UBE2D3: variants seen among roughly 807,000 people sequenced by gnomAD.
The protein encoded by UBE2D3 is ubiquitin conjugating enzyme E2 D3, also known as ubiquitin-conjugating enzyme E2 D3.
Under a neutral mutation model 22.8 loss-of-function variants are expected in UBE2D3, and 2 were observed. The observed-to-expected ratio is 0.09, with a 90% CI of 0.04 to 0.28. UBE2D3 has a LOEUF of 0.28. Ranked by LOEUF, UBE2D3 falls within the 10% of genes least tolerant of loss-of-function variation. UBE2D3 has a pLI of 1.00. For missense variants in UBE2D3, 27 were observed against 182.5 expected (o/e 0.15, Z 4.91); for synonymous variants, 56 against 60.4 (o/e 0.93, Z 0.34).
At chr4:102,804,489 A>G (rs1030094449) in intron 4 of UBE2D3, among the ~76,000 whole-genome samples, 3 of 152,100 alleles carry the variant, frequency 2.0e-5, no homozygotes, top group African/African-American at 7.2e-5. Context: ...ATATGGAACT[A>G]GAAAAACACT....
At chr4:102,836,663 A>G (rs570302989) in intron 1 of UBE2D3, among the ~76,000 whole-genome samples, 2 of 152,282 alleles carry the variant, frequency 1.3e-5, no homozygotes, top group South Asian at 4.1e-4. Flanking sequence ...GAGTGTTCCA[A>G]TTTCTCCTGA....
At chr4:102,863,754 A>C (rs549972852) in intron 1 of UBE2D3, among the ~76,000 whole-genome samples, 1 of 152,304 alleles carries the variant, frequency 6.6e-6, no homozygotes, top group East Asian at 1.9e-4. Flanking sequence ...TCAGCCTCCC[A>C]AAGTGCTGGG....
exon 1 of UBE2D3, chr4:102,868,805 C>T: frequency 6.2e-7 from 1 of 1,611,832 alleles, no homozygotes; most frequent in East Asian, 2.2e-5. Flanking sequence ...CATCTACAGA[C>T]GTTAAAGGCC....
At chr4:102,801,330 G>C in intron 6 of UBE2D3, 124 bp downstream of exon 6, 2 of 747,974 alleles carry the variant, frequency 2.7e-6, no homozygotes, top group Non-Finnish European at 4.2e-6. Flanking sequence ...AATTATAAAA[G>C]TAACTTTATT....
intron 1 of UBE2D3, chr4:102,868,621 A>G (rs990906176): frequency 5.2e-6 from 8 of 1,535,626 alleles, no homozygotes; most frequent in Non-Finnish European, 7.2e-6. Context: ...GAGGATACTC[A>G]TGGGCGAGTA....
At chr4:102,854,777 G>A in intron 1 of UBE2D3, among the ~76,000 whole-genome samples, 1 of 152,154 alleles carries the variant, frequency 6.6e-6, no homozygotes. Flanking sequence ...TCAACCCTGA[G>A]TAACAACAGA....
intron 7 of UBE2D3, among the ~76,000 whole-genome samples, chr4:102,798,297 T>TATATATATATATATATATATATATATGC (rs1481588683): frequency 1.6e-4 from 23 of 146,708 alleles, no homozygotes; most frequent in Admixed American, 3.4e-4. Context: ...TATATATATA[T>TATATATATATATATATATATATATATGC]GCACAGGAGA....
chr4:102,845,523 CA>C (rs1407084052), intron 1 of UBE2D3, among the ~76,000 whole-genome samples: 1 of 152,160 alleles, frequency 6.6e-6, no homozygotes, highest in Non-Finnish European at 1.5e-5. Flanking sequence ...CCCCTTTCGT[CA>C]AAGGATCCAG....
intron 6 of UBE2D3, among the ~76,000 whole-genome samples, chr4:102,800,040 T>C (rs1314801701): frequency 6.6e-6 from 1 of 152,054 alleles, no homozygotes; most frequent in African/African-American, 2.4e-5. Context: ...AAAATCTCTT[T>C]AGTACTAAGT....
intron 2 of UBE2D3, among the ~76,000 whole-genome samples, chr4:102,814,869 C>G (rs1439656584): frequency 6.6e-6 from 1 of 152,040 alleles, no homozygotes; most frequent in Non-Finnish European, 1.5e-5. Context: ...TCCTGATGCT[C>G]AGTTGTCTAA....
chr4:102,824,887 A>G (rs1364910240), intron 2 of UBE2D3, among the ~76,000 whole-genome samples: 2 of 152,262 alleles, frequency 1.3e-5, no homozygotes, highest in Non-Finnish European at 2.9e-5. Flanking sequence ...GGTCACAAAA[A>G]GAGGTAATTA....
At chr4:102,810,782 G>C (rs542235304) in intron 2 of UBE2D3, 4 of 151,800 alleles carry the variant, frequency 2.6e-5, no homozygotes, top group East Asian at 1.9e-4. Context: ...TGAAAATATA[G>C]TTTATTAGAA....
rs756281657 is a variant in UBE2D3 at position 102,797,442 on chromosome 4, C to A, written c.417G>T (p.Arg139=). The change falls in exon 8 of 8, where the codon CGG becomes CGT. Residue 139 remains arginine, a synonymous_variant. Coordinates refer to ENST00000453744, the MANE Select transcript of UBE2D3 (RefSeq NM_181891.3). The part of the protein sequence containing the change: ...TDRDKYNRIS[R]EWTQKYAM ...ACATGGCATACTTCTGAGTCCATTC[C>A]CGAGATATTCTGTTGTACCTGTAAA... 1 of 1,606,778 alleles carries A rather than the reference C, an allele frequency of 6.2e-7. No individual in the cohort carries two copies. Among genetic ancestry groups the A allele is most frequent in the Non-Finnish European group, 8.5e-7 (1 of 1,175,466 alleles).
chr4:102,825,623 C>A, intron 2 of UBE2D3: 1 of 1,214,542 alleles, frequency 8.2e-7, no homozygotes. Flanking sequence ...CCGAAAAATC[C>A]TAGTTTTTTT....
At chr4:102,814,053 C>T (rs2110295138) in intron 2 of UBE2D3, among the ~76,000 whole-genome samples, 1 of 152,282 alleles carries the variant, frequency 6.6e-6, no homozygotes, top group African/African-American at 2.4e-5. Context: ...ATATGCTTGT[C>T]TGTATAGATA....
chr4:102,848,798 AAT>A (rs1289785764), intron 1 of UBE2D3, among the ~76,000 whole-genome samples: 1 of 151,590 alleles, frequency 6.6e-6, no homozygotes, highest in Non-Finnish European at 1.5e-5. Context: ...CATTCTGGGC[AAT>A]AGAGTGAGAC....
Position 102,798,279 on chromosome 4 carries a change from AAT to A in UBE2D3, c.399-821_399-820del, listed in dbSNP as rs10526258. The stretch of plus-strand genomic sequence containing the variant: ...AAAACAGTGATAACCTTAAGAAATG[AAT>A]ATATATATATATATATGCACAGGAG... On this transcript the variant is annotated intron_variant, in intron 7 of 7. Transcript: ENST00000453744. 6.8e-3 allele frequency among the ~76,000 whole-genome samples: 761 copies of A among 111,552 alleles called. 42 individuals carry two copies. The highest frequency in any genetic ancestry group is 0.025 in the African/African-American group (612 of 24,952). 73.2% of individuals were successfully genotyped at this position (111,552 alleles called of 152,430 possible). A position where few individuals can be genotyped will look rare whatever the true frequency, so the allele number is the denominator to read the frequency against.
intron 7 of UBE2D3, chr4:102,798,929 CT>C: frequency 6.2e-7 from 1 of 1,611,770 alleles, no homozygotes; most frequent in Non-Finnish European, 8.5e-7. Context: ...TCCTCTTACC[CT>C]ACAACATAGC....
intron 6 of UBE2D3, 101 bp downstream of exon 6, chr4:102,801,353 C>T: frequency 9.9e-7 from 1 of 1,010,372 alleles, no homozygotes; most frequent in Admixed American, 2.6e-5. Flanking sequence ...TTCCCCATCT[C>T]TTACCAAAAA....
Sources: allele counts gnomAD v4.1 joint callset (sites outside exome capture counted in the v4.1 genomes callset), GRCh38; gene constraint gnomAD v4.1.1; transcripts MANE v1.5; gene names NCBI Gene and HGNC (gene_info 2026-07-23, HGNC 2026-07-21).